Variants in BRWD1 observed in about 807,000 individuals in gnomAD.
BRWD1 encodes bromodomain and WD repeat domain containing 1, also known as bromodomain and WD repeat-containing protein 1.
BRWD1 carries 82 observed loss-of-function variants against 251.2 expected under a neutral mutation model. The ratio of observed to expected loss-of-function variants is 0.33; its 90% confidence interval spans 0.27 to 0.39. BRWD1 has a LOEUF of 0.39. BRWD1 is among the 10% of genes least tolerant of loss of function. BRWD1 has a pLI of 1.00. For synonymous variants in BRWD1, 918 were observed against 902.8 expected, an observed-to-expected ratio of 1.02 and a Z score of -0.30; for missense variants, 2,233 against 2,711.6, an observed-to-expected ratio of 0.82 and a Z score of 3.92.
intron 10 of BRWD1, 196 bp downstream of exon 10, chr21:39,278,547 A>G (rs757870040): frequency 1.9e-6 from 1 of 524,280 alleles, no homozygotes; most frequent in Non-Finnish European, 3.4e-6. Context: ...ACTGATTACT[A>G]CCAGAAATCA....
Position 39,188,809 on chromosome 21 carries a change from C to T in BRWD1, c.*7450G>A. On this transcript the variant is annotated 3_prime_UTR_variant, in exon 41 of 41. Transcript: ENST00000342449. ...CATACACATCAGTTCCTTTTGCCAACTAACTTATGTGATTCACATGTTTTT... is the reference window on the plus strand; with the variant it reads ...CATACACATCAGTTCCTTTTGCCAATTAACTTATGTGATTCACATGTTTTT... 1 of 985,336 alleles carries T rather than the reference C, an allele frequency of 1.0e-6. No individual in the cohort carries two copies. Among genetic ancestry groups the T allele is most frequent in the African/African-American group, 1.7e-5 (1 of 57,370 alleles). 61.0% of individuals were successfully genotyped at this position (985,336 alleles called of 1,614,324 possible). A position where few individuals can be genotyped will look rare whatever the true frequency, so the allele number is the denominator to read the frequency against.
chr21:39,202,575 T>C, intron 37 of BRWD1, 30 bp from the exon 38 acceptor site: 1 of 1,495,112 alleles, frequency 6.7e-7, no homozygotes, highest in African/African-American at 1.4e-5. Flanking sequence ...AAGGAAACAG[T>C]ATTTAACAAA....
At position 39,258,559 on chromosome 21, in the gene BRWD1, C is replaced by T. The variant is rs1183174491; in HGVS notation, c.1999G>A (p.Asp667Asn). 1 of 1,613,522 alleles carries T rather than the reference C, an allele frequency of 6.2e-7. No homozygotes were observed. The highest frequency in any genetic ancestry group is 1.3e-5 in the African/African-American group (1 of 74,918). The stretch of plus-strand genomic sequence containing the variant: ...TCCTGATCTGCTCCCATTCTCTGAT[C>T]TTGCTGCTGCTGCAACTGTCTTATC... Reference protein sequence around the residue: ...GMIRQLQQQQDQRMGADQDTI... With the variant: ...GMIRQLQQQQNQRMGADQDTI... The change falls in exon 18 of 41, where the codon GAT (aspartate) becomes AAT (asparagine). Residue 667 changes from aspartate (D) to asparagine (N), a missense_variant. By Grantham distance (23) the Asp-to-Asn change is conservative. Coordinates refer to ENST00000342449, the MANE Select transcript of BRWD1 (RefSeq NM_033656.4).
At chr21:39,249,913 GGGGTGTGT>G (rs202058586) in intron 20 of BRWD1, among the ~76,000 whole-genome samples, 8,922 of 132,432 alleles carry the variant, frequency 0.067, 314 homozygotes, top group South Asian at 0.072. Flanking sequence ...AAAAAGAAGG[GGGGTGTGT>G]GTGTGTGTGT....
intron 31 of BRWD1, chr21:39,216,653 A>C: frequency 2.7e-6 from 1 of 372,394 alleles, no homozygotes; most frequent in Non-Finnish European, 5.2e-6. Context: ...GAATCTACTC[A>C]GAACAGTTTA....
intron 17 of BRWD1, among the ~76,000 whole-genome samples, chr21:39,259,591 T>A (rs1434108391): frequency 6.6e-6 from 1 of 152,090 alleles, no homozygotes; most frequent in African/African-American, 2.4e-5. Context: ...GCGTGGTGGC[T>A]CACATCTGTA....
Position 39,312,832 on chromosome 21 carries a change from A to C in BRWD1, c.198+9T>G. 1 of 1,589,514 alleles carries C rather than the reference A, an allele frequency of 6.3e-7. No homozygotes were observed. The highest frequency in any genetic ancestry group is 8.6e-7 in the Non-Finnish European group (1 of 1,169,414). On this transcript the variant is annotated intron_variant, in intron 4 of 40. Transcript: ENST00000342449. ...GAAAACCCGGGGAGCAAACGTGCCC[A>C]ATGCTCACCAACTCCTCGTAGCTCC...
chr21:39,187,203 C>A lies in BRWD1; in HGVS notation c.*9056G>T, dbSNP rs1385181727. Reference sequence around the variant, plus strand: ...TTCGATGGGGCAGTTTTCTGCTACTCTTCCTAATCCAGACATTTTCTGGTC... The same window carrying A: ...TTCGATGGGGCAGTTTTCTGCTACTATTCCTAATCCAGACATTTTCTGGTC... On this transcript the variant is annotated 3_prime_UTR_variant, in exon 41 of 41. Coordinates refer to ENST00000342449, the MANE Select transcript of BRWD1 (RefSeq NM_033656.4). The A allele has an allele frequency of 2.5e-6, 4 of 1,612,936 alleles. No individual in the cohort carries two copies. Among genetic ancestry groups the A allele is most frequent in the Non-Finnish European group, 3.4e-6 (4 of 1,179,736 alleles).
At chr21:39,244,533 T>C (rs1339038485) in intron 21 of BRWD1, among the ~76,000 whole-genome samples, 2 of 152,244 alleles carry the variant, frequency 1.3e-5, no homozygotes, top group Non-Finnish European at 2.9e-5. Context: ...CCAGGCATAA[T>C]AAAATGCATT....
At chr21:39,288,127 G>T (rs2035698790) in intron 8 of BRWD1, among the ~76,000 whole-genome samples, 1 of 152,110 alleles carries the variant, frequency 6.6e-6, no homozygotes, top group African/African-American at 2.4e-5. Flanking sequence ...TTATTCACAT[G>T]GCTATAGCAG....
rs2031452824 is a variant in BRWD1 at position 39,189,839 on chromosome 21, G to C, written c.*6420C>G. On this transcript the variant is annotated 3_prime_UTR_variant, in exon 41 of 41. Coordinates refer to ENST00000342449, the MANE Select transcript of BRWD1 (RefSeq NM_033656.4). ...TTTGTGTGTTAGGGTACAAGCTTAAGAACTCTGGATGTTGCTGCTCTAACA... is the reference window on the plus strand; with the variant it reads ...TTTGTGTGTTAGGGTACAAGCTTAACAACTCTGGATGTTGCTGCTCTAACA... 1 of 985,356 alleles carries C rather than the reference G, an allele frequency of 1.0e-6. No homozygotes were observed. The highest frequency in any genetic ancestry group is 1.2e-6 in the Non-Finnish European group (1 of 829,880). 61.0% of individuals were successfully genotyped at this position (985,356 alleles called of 1,614,324 possible).
intron 23 of BRWD1, among the ~76,000 whole-genome samples, 167 bp from the exon 24 acceptor site, chr21:39,232,665 T>A (rs2033661862): frequency 6.6e-6 from 1 of 152,232 alleles, no homozygotes; most frequent in Non-Finnish European, 1.5e-5. Flanking sequence ...TACACAGGAA[T>A]ATATCACTTA....
At chr21:39,252,066 C>T (rs371197481) in intron 19 of BRWD1, among the ~76,000 whole-genome samples, 1 of 151,618 alleles carries the variant, frequency 6.6e-6, no homozygotes, top group South Asian at 2.1e-4. Context: ...CAGGAGTTCA[C>T]GACCAGCCTG....
At chr21:39,318,400 C>G (rs1035929353), upstream of BRWD1, among the ~76,000 whole-genome samples, 1 of 152,156 alleles carries the variant, frequency 6.6e-6, no homozygotes, top group African/African-American at 2.4e-5. Flanking sequence ...AGTTTTAATG[C>G]AAATTTGTGT....
At chr21:39,243,274 T>TA (rs2034064321) in intron 21 of BRWD1, among the ~76,000 whole-genome samples, 1 of 152,028 alleles carries the variant, frequency 6.6e-6, no homozygotes, top group African/African-American at 2.4e-5. Context: ...ATATCAACAT[T>TA]AAAACAAAAA....
At position 39,187,206 on chromosome 21, in the gene BRWD1, C is replaced by T. The variant is rs780691502; in HGVS notation, c.*9053G>A. ...GATGGGGCAGTTTTCTGCTACTCTT[C>T]CTAATCCAGACATTTTCTGGTCCTG... On this transcript the variant is annotated 3_prime_UTR_variant, in exon 41 of 41. Coordinates refer to ENST00000342449, the MANE Select transcript of BRWD1 (RefSeq NM_033656.4). The T allele has an allele frequency of 5.0e-6, 8 of 1,613,430 alleles. No homozygotes were observed. In the South Asian group the frequency reaches 6.6e-5, roughly 13 times the overall value.
chr21:39,291,653 C>T (rs2035810201), intron 8 of BRWD1, among the ~76,000 whole-genome samples: 2 of 152,182 alleles, frequency 1.3e-5, no homozygotes, highest in Non-Finnish European at 2.9e-5. Context: ...CCCATATGTG[C>T]ACAAGGCCAG....
Position 39,196,260 on chromosome 21 carries a change from C to A in BRWD1, c.6809G>T (p.Ter2270LeuextTer2). The A allele has an allele frequency of 6.3e-7, 1 of 1,584,542 alleles. No homozygotes were observed. Among genetic ancestry groups the A allele is most frequent in the South Asian group, 1.2e-5 (1 of 84,338 alleles). Residue 2270 changes from the stop codon to leucine, a stop_lost, in exon 41 of 41, where the codon TGA becomes TTA. Transcript: ENST00000342449. ...NVLDFNGCTL[*>L] Reference sequence around the variant, plus strand: ...AAATGAACTGGCTTTCCCTCAAGGTCATAAGGTGCAACCATTGAAATCTAA... The same window carrying A: ...AAATGAACTGGCTTTCCCTCAAGGTAATAAGGTGCAACCATTGAAATCTAA...
At chr21:39,312,715 C>A (rs2272578) in intron 4 of BRWD1, 126 bp downstream of exon 4, 8 of 546,482 alleles carry the variant, frequency 1.5e-5, no homozygotes, top group African/African-American at 8.0e-5. Flanking sequence ...ACGCAGCTAT[C>A]CCCGGGCCGC....
Sources: allele counts gnomAD v4.1 joint callset (sites outside exome capture counted in the v4.1 genomes callset), GRCh38; gene constraint gnomAD v4.1.1; transcripts MANE v1.5; gene names NCBI Gene and HGNC (gene_info 2026-07-23, HGNC 2026-07-21).